CNTNAP2: variants seen among roughly 807,000 people sequenced by gnomAD.
CNTNAP2 encodes contactin-associated protein-like 2.
CNTNAP2 carries 98 observed loss-of-function variants against 155.2 expected under a neutral mutation model. The observed-to-expected ratio is 0.63, with a 90% confidence interval of 0.54 to 0.75. CNTNAP2 has a LOEUF of 0.75. CNTNAP2 is among the 30% of genes least tolerant of loss of function. The probability of loss-of-function intolerance (pLI) is 0.00; values close to 1 mark genes in which losing one functional copy is unlikely to be tolerated. For synonymous variants in CNTNAP2, 651 were observed against 631.2 expected, an observed-to-expected ratio of 1.03 and a Z score of -0.47; for missense variants, 1,727 against 1,688.1, an observed-to-expected ratio of 1.02 and a Z score of -0.40.
At position 147,773,407 on chromosome 7, in the gene CNTNAP2, C is replaced by T. The variant is rs999911123; in HGVS notation, c.2099-130158C>T. On this transcript the variant is annotated intron_variant, in intron 13 of 23. Transcript: ENST00000361727. ...GCCCTAGCACTTTGGGAGGCCAAGG[C>T]GGTCGATCACCTGAGGTCAGGAGTT... Among the ~76,000 whole-genome samples, 3 of 151,960 alleles carry T rather than the reference C, an allele frequency of 2.0e-5. 1 individual carries two copies. The highest frequency in any genetic ancestry group is 2.9e-5 in the Non-Finnish European group (2 of 67,982).
intron 1 of CNTNAP2, among the ~76,000 whole-genome samples, chr7:146,712,200 TATGTATACATATCTTATGTATACAA>T (rs1801097960): frequency 2.5e-5 from 3 of 118,266 alleles, no homozygotes; most frequent in African/African-American, 9.9e-5. Flanking sequence ...TGTATACAAA[TATGTATACATATCTTATGTATACAA>T]ATATGTATAC....
At chr7:146,582,962 A>G (rs1798634201) in intron 1 of CNTNAP2, among the ~76,000 whole-genome samples, 1 of 149,246 alleles carries the variant, frequency 6.7e-6, no homozygotes, top group Admixed American at 6.7e-5. Flanking sequence ...TTTAATATAT[A>G]ATACTCATTA....
chr7:146,693,333 G>A (rs958835001), intron 1 of CNTNAP2, among the ~76,000 whole-genome samples: 3 of 151,424 alleles, frequency 2.0e-5, no homozygotes, highest in Non-Finnish European at 2.9e-5. Context: ...TTGACATTAT[G>A]TACCAAAAAA....
At chr7:147,885,150 G>A (rs1426211899) in intron 13 of CNTNAP2, among the ~76,000 whole-genome samples, 2 of 152,170 alleles carry the variant, frequency 1.3e-5, no homozygotes, top group African/African-American at 4.8e-5. Flanking sequence ...AGGGTTAAAG[G>A]TCAAGGCTAA....
At chr7:148,330,689 G>T (rs1420002813) in intron 21 of CNTNAP2, among the ~76,000 whole-genome samples, 2 of 150,944 alleles carry the variant, frequency 1.3e-5, no homozygotes, top group Non-Finnish European at 2.9e-5. Context: ...TGGAGTGGAT[G>T]GAGTGGACGG....
intron 2 of CNTNAP2, among the ~76,000 whole-genome samples, chr7:146,810,059 T>G (rs1170536047): frequency 6.6e-6 from 1 of 152,188 alleles, no homozygotes; most frequent in African/African-American, 2.4e-5. Context: ...TTCACTCTTT[T>G]GCATGTGGAT....
At chr7:147,618,188 T>C (rs1801328937) in intron 12 of CNTNAP2, among the ~76,000 whole-genome samples, 1 of 152,184 alleles carries the variant, frequency 6.6e-6, no homozygotes, top group Non-Finnish European at 1.5e-5. Flanking sequence ...ATCTTAAGAA[T>C]ATGTCATAGG....
intron 8 of CNTNAP2, among the ~76,000 whole-genome samples, chr7:147,275,846 C>T (rs369978850): frequency 6.6e-6 from 1 of 151,902 alleles, no homozygotes; most frequent in Admixed American, 6.6e-5. Context: ...TCCTTCAATC[C>T]GTAGTTTGTT....
chr7:147,967,191 T>C (rs1801230860), intron 14 of CNTNAP2, among the ~76,000 whole-genome samples: 1 of 152,194 alleles, frequency 6.6e-6, no homozygotes, highest in Non-Finnish European at 1.5e-5. Flanking sequence ...AATATGAATG[T>C]AGATGCACAA....
chr7:146,608,581 C>T (rs1243062284), intron 1 of CNTNAP2, among the ~76,000 whole-genome samples: 1 of 151,990 alleles, frequency 6.6e-6, no homozygotes, highest in South Asian at 2.1e-4. Flanking sequence ...ATGTATTTCT[C>T]CTCATATTTC....
intron 14 of CNTNAP2, among the ~76,000 whole-genome samples, chr7:147,914,513 T>A (rs369492597): frequency 8.0e-5 from 12 of 150,586 alleles, no homozygotes; most frequent in African/African-American, 2.7e-4. Flanking sequence ...GCATTCCAGC[T>A]TGGGTGACAA....
intron 10 of CNTNAP2, among the ~76,000 whole-genome samples, chr7:147,416,628 A>G (rs1419154937): frequency 1.3e-5 from 2 of 152,138 alleles, no homozygotes; most frequent in Non-Finnish European, 2.9e-5. Context: ...TATCTCCAGA[A>G]TCTAGTAATA....
chr7:147,705,741 G>A (rs758397712), intron 13 of CNTNAP2, among the ~76,000 whole-genome samples: 1 of 152,050 alleles, frequency 6.6e-6, no homozygotes, highest in Non-Finnish European at 1.5e-5. Flanking sequence ...TCCAGTGTTA[G>A]GTGCATATGT....
chr7:148,403,770 C>T (rs10225245), intron 22 of CNTNAP2, among the ~76,000 whole-genome samples: 40,155 of 152,088 alleles, frequency 0.26, 5,839 homozygotes, highest in Non-Finnish European at 0.33. Flanking sequence ...TTGTGTTGAT[C>T]GCCAGAATAA....
intron 3 of CNTNAP2, among the ~76,000 whole-genome samples, chr7:146,961,925 T>A (rs984113183): frequency 9.9e-5 from 15 of 152,280 alleles, no homozygotes; most frequent in African/African-American, 3.6e-4. Flanking sequence ...TTGGAGTGAC[T>A]AATGAGCTGC....
chr7:146,717,024 T>C (rs780175331), intron 1 of CNTNAP2, among the ~76,000 whole-genome samples: 77 of 152,218 alleles, frequency 5.1e-4, no homozygotes, highest in Middle Eastern at 6.8e-3. Flanking sequence ...AACTCCAAGA[T>C]TGGTTTCTTA....
chr7:146,469,827 G>A (rs1796768080), intron 1 of CNTNAP2, among the ~76,000 whole-genome samples: 1 of 147,742 alleles, frequency 6.8e-6, no homozygotes, highest in Non-Finnish European at 1.5e-5. Context: ...ACCAACCCCA[G>A]CCTTAATTGA....
At chr7:146,121,011 A>G (rs1797553420) in intron 1 of CNTNAP2, among the ~76,000 whole-genome samples, 1 of 152,052 alleles carries the variant, frequency 6.6e-6, no homozygotes, top group Admixed American at 6.6e-5. Context: ...TAAGTGGGAA[A>G]ACCTTTCAAG....
At position 147,624,654 on chromosome 7, in the gene CNTNAP2, T is replaced by C. The variant is rs1395042196; in HGVS notation, c.1898-14452T>C. Among the ~76,000 whole-genome samples, 3 of 152,156 alleles carry C rather than the reference T, an allele frequency of 2.0e-5. No individual in the cohort carries two copies. The South Asian group carries it at 6.2e-4, about 31-fold the overall frequency. On this transcript the variant is annotated intron_variant, in intron 12 of 23. Coordinates refer to ENST00000361727, the MANE Select transcript of CNTNAP2 (RefSeq NM_014141.6). ...GGGAACAGGAAATCCTCATACACTG[T>C]TGGTAGAAATGTAAATTAGTACAAC...
Sources: allele counts gnomAD v4.1 joint callset (sites outside exome capture counted in the v4.1 genomes callset), GRCh38; gene constraint gnomAD v4.1.1; transcripts MANE v1.5; gene names NCBI Gene and HGNC (gene_info 2026-07-23, HGNC 2026-07-21).